SLC14A2: variants seen among roughly 807,000 people sequenced by gnomAD.
SLC14A2 encodes the protein urea transporter 2.
Under a neutral mutation model 104.6 loss-of-function variants are expected in SLC14A2, and 91 were observed. That is an observed-to-expected ratio of 0.87 (90% CI 0.73 to 1.04). SLC14A2 has a LOEUF of 1.04. Ranked by LOEUF, SLC14A2 falls within the 50% of genes least tolerant of loss-of-function variation. SLC14A2 has a pLI of 0.00. For missense variants in SLC14A2, 1,189 were observed against 1,156.0 expected, an observed-to-expected ratio of 1.03 and a Z score of -0.41; for synonymous variants, 476 against 466.4, an observed-to-expected ratio of 1.02 and a Z score of -0.27.
chr18:45,580,596 G>A (rs923569740), intron 2 of SLC14A2, among the ~76,000 whole-genome samples: 2 of 152,194 alleles, frequency 1.3e-5, no homozygotes, highest in African/African-American at 4.8e-5. Flanking sequence ...TCTCAGTTAT[G>A]GCTTAGCATA....
intron 1 of SLC14A2, among the ~76,000 whole-genome samples, chr18:45,444,093 A>C (rs1018854307): frequency 6.6e-6 from 1 of 152,216 alleles, no homozygotes; most frequent in African/African-American, 2.4e-5. Flanking sequence ...TATCATAAAG[A>C]AAGTTTGGAT....
intron 5 of SLC14A2, 34 bp downstream of exon 5, chr18:45,632,512 A>T (rs2045361972): frequency 6.2e-7 from 1 of 1,608,378 alleles, no homozygotes; most frequent in Non-Finnish European, 8.5e-7. Context: ...TCACAGCTCC[A>T]TGGGGCCCCC....
chr18:45,181,844 A>G, the SLC14A2 span, among the ~76,000 whole-genome samples: 2 of 152,172 alleles, frequency 1.3e-5, no homozygotes, highest in Non-Finnish European at 2.9e-5. Flanking sequence ...GTAGATTAAG[A>G]TAATTTGAAT....
chr18:45,332,134 T>C (rs775138784), intron 1 of SLC14A2, among the ~76,000 whole-genome samples: 7 of 152,222 alleles, frequency 4.6e-5, no homozygotes, highest in Non-Finnish European at 8.8e-5. Context: ...TCAACTAATG[T>C]GGTGGATTTA....
At chr18:45,444,967 A>C (rs1407915742) in intron 1 of SLC14A2, among the ~76,000 whole-genome samples, 4 of 152,200 alleles carry the variant, frequency 2.6e-5, no homozygotes, top group African/African-American at 9.7e-5. Flanking sequence ...GTACCAAGTA[A>C]TGTGCTTCGA....
intron 18 of SLC14A2, among the ~76,000 whole-genome samples, chr18:45,677,046 C>T (rs2046238977): frequency 6.6e-6 from 1 of 152,170 alleles, no homozygotes; most frequent in Non-Finnish European, 1.5e-5. Context: ...TCCACCACTG[C>T]CTGCTCGGCA....
intron 1 of SLC14A2, among the ~76,000 whole-genome samples, chr18:45,623,852 A>G (rs1415980469): frequency 1.3e-5 from 2 of 152,198 alleles, no homozygotes; most frequent in Non-Finnish European, 2.9e-5. Context: ...TCTCAAATAA[A>G]TAAATAAAAA....
chr18:45,527,296 C>A (rs2043607483), intron 2 of SLC14A2, among the ~76,000 whole-genome samples: 1 of 152,186 alleles, frequency 6.6e-6, no homozygotes, highest in Admixed American at 6.5e-5. Context: ...CGAGATGACG[C>A]TAACAAATCC....
chr18:45,373,711 A>G (rs1245292086), intron 1 of SLC14A2, among the ~76,000 whole-genome samples: 2 of 152,214 alleles, frequency 1.3e-5, no homozygotes, highest in Non-Finnish European at 2.9e-5. Context: ...GAGGAAGAGT[A>G]TAGTGTAGTG....
intron 1 of SLC14A2, among the ~76,000 whole-genome samples, chr18:45,256,911 G>T (rs918006804): frequency 2.1e-4 from 32 of 152,236 alleles, no homozygotes; most frequent in African/African-American, 7.7e-4. Flanking sequence ...TGTCCCTTAG[G>T]CTGGGGCTCA....
At chr18:45,484,115 T>C (rs2087549666) in intron 2 of SLC14A2, among the ~76,000 whole-genome samples, 1 of 152,194 alleles carries the variant, frequency 6.6e-6, no homozygotes, top group South Asian at 2.1e-4. Flanking sequence ...AAATAATGGT[T>C]CAGAAACCCA....
At chr18:45,212,379 GC>G (rs2083968732), upstream of SLC14A2, among the ~76,000 whole-genome samples, 1 of 152,278 alleles carries the variant, frequency 6.6e-6, no homozygotes, top group South Asian at 2.1e-4. Context: ...TAATTCCTTA[GC>G]TATGTGACCT....
the SLC14A2 span, among the ~76,000 whole-genome samples, chr18:45,185,195 G>C: frequency 6.6e-6 from 1 of 152,120 alleles, no homozygotes; most frequent in Non-Finnish European, 1.5e-5. Context: ...GTCCTTCCTA[G>C]GAAGGGAGAA....
At chr18:45,216,535 C>T (rs563264761) in intron 1 of SLC14A2, among the ~76,000 whole-genome samples, 2 of 152,188 alleles carry the variant, frequency 1.3e-5, no homozygotes, top group Non-Finnish European at 2.9e-5. Context: ...TTGGAGAGGC[C>T]GTGTATTTTT....
At chr18:45,298,098 A>G (rs1274549882) in intron 1 of SLC14A2, among the ~76,000 whole-genome samples, 2 of 152,192 alleles carry the variant, frequency 1.3e-5, no homozygotes, top group Admixed American at 6.5e-5. Flanking sequence ...TCATAATATA[A>G]TATCTTCTGA....
At chr18:45,583,352 G>A (rs993997950) in intron 2 of SLC14A2, among the ~76,000 whole-genome samples, 6 of 152,086 alleles carry the variant, frequency 3.9e-5, no homozygotes, top group Non-Finnish European at 7.4e-5. Context: ...GTCTGCCCCT[G>A]CATCTCACCC....
intron 1 of SLC14A2, among the ~76,000 whole-genome samples, chr18:45,255,830 C>T (rs1294470327): frequency 2.6e-5 from 4 of 152,152 alleles, no homozygotes; most frequent in African/African-American, 9.7e-5. Context: ...CCTGCACCCC[C>T]TTCAATGGTG....
At chr18:45,414,722 G>T (rs1480346039) in intron 1 of SLC14A2, among the ~76,000 whole-genome samples, 2 of 131,050 alleles carry the variant, frequency 1.5e-5, no homozygotes, top group Non-Finnish European at 3.1e-5. Context: ...CACATGCCAG[G>T]TGCGGTGCAA....
intron 1 of SLC14A2, among the ~76,000 whole-genome samples, chr18:45,364,518 A>ACACCTATGTATACATATGTG (rs1238576598): frequency 6.6e-6 from 1 of 152,224 alleles, no homozygotes; most frequent in Non-Finnish European, 1.5e-5. Context: ...GAACATATAT[A>ACACCTATGTATACATATGTG]CACCTATGTA....
Sources: allele counts gnomAD v4.1 joint callset (sites outside exome capture counted in the v4.1 genomes callset), GRCh38; gene constraint gnomAD v4.1.1; transcripts MANE v1.5; gene names NCBI Gene and HGNC (gene_info 2026-07-23, HGNC 2026-07-21).